PCDHA4: variants seen among roughly 807,000 people sequenced by gnomAD.
The protein encoded by PCDHA4 is protocadherin alpha 4.
PCDHA4 carries 49 observed loss-of-function variants against 61.4 expected under a neutral mutation model. The observed-to-expected ratio is 0.80, with a 90% CI of 0.63 to 1.01. The LOEUF is 1.01. Among genes scored for constraint, PCDHA4 ranks in the 50% least tolerant of loss-of-function variants. The pLI is 0.00. For missense variants in PCDHA4, 1,254 were observed against 1,235.8 expected (o/e 1.01, Z -0.22); for synonymous variants, 590 against 550.3 (o/e 1.07, Z -1.01).
chr5:140,843,876 C>A, intron 1 of PCDHA4: 1 of 763,300 alleles, frequency 1.3e-6, no homozygotes, highest in African/African-American at 1.8e-5. Flanking sequence ...TTCTCAGTGG[C>A]ATAATACAGT....
At chr5:140,964,417 C>T (rs1279243450) in intron 1 of PCDHA4, among the ~76,000 whole-genome samples, 15 of 152,088 alleles carry the variant, frequency 9.9e-5, no homozygotes, top group Admixed American at 9.8e-4. Context: ...TGGGGGCTTC[C>T]ATTAAAAAAT....
intron 1 of PCDHA4, chr5:140,851,237 G>C (rs782702575): frequency 3.6e-6 from 4 of 1,101,536 alleles, no homozygotes; most frequent in Non-Finnish European, 4.6e-6. Flanking sequence ...TTTATTTATT[G>C]CTAAATGATG....
intron 1 of PCDHA4, among the ~76,000 whole-genome samples, chr5:140,941,439 G>A (rs187782763): frequency 1.3e-5 from 2 of 149,420 alleles, no homozygotes; most frequent in East Asian, 2.0e-4. Context: ...CCTCAGCCTC[G>A]GGAGTAGCTG....
At chr5:140,915,626 GTCTCTCTCTCTCTC>G in intron 1 of PCDHA4, among the ~76,000 whole-genome samples, 1 of 146,536 alleles carries the variant, frequency 6.8e-6, no homozygotes, top group Non-Finnish European at 1.5e-5. Flanking sequence ...GTCTCTTTCT[GTCTCTCTCTCTCTC>G]TCTCTCTCTC....
At position 140,809,043 on chromosome 5, in the gene PCDHA4, G is replaced by T. The variant is rs1311161177; in HGVS notation, c.1856G>T (p.Arg619Leu). 3 of 1,613,738 alleles carry T rather than the reference G, an allele frequency of 1.9e-6. No homozygotes were observed. The highest frequency in any genetic ancestry group is 2.2e-5 in the East Asian group (1 of 44,886). The change falls in exon 1 of 4, where the codon CGC becomes CTC. Residue 619 changes from arginine (R) to leucine (L), a missense_variant. Transcript: ENST00000530339. ...YELQPGTGGA[R>L]IPFRVGLYTG... ...CTGCAGCCGGGGACTGGTGGCGCGC[G>T]CATCCCGTTCCGCGTGGGGCTGTAC... is the stretch of plus-strand genomic sequence containing the variant.
At chr5:141,007,395 CAA>C (rs35800918) in intron 3 of PCDHA4, among the ~76,000 whole-genome samples, 1,140 of 94,858 alleles carry the variant, frequency 0.012, 9 homozygotes, top group South Asian at 0.036. Context: ...TACTAAAATA[CAA>C]AAAAAAAAAA....
rs782558494 is a variant in PCDHA4 at position 140,808,176 on chromosome 5, T to C, written c.989T>C (p.Leu330Pro). 1.9e-6 allele frequency: 3 copies of C among 1,614,256 alleles called. No individual in the cohort carries two copies. The highest frequency in any genetic ancestry group is 2.5e-6 in the Non-Finnish European group (3 of 1,180,044). Reference sequence around the variant, plus strand: ...GGCATTGATAAGGGACAGCTCCCACTTTCTGGCCATTGTAGAGTTATTGTG... The same window carrying C: ...GGCATTGATAAGGGACAGCTCCCACCTTCTGGCCATTGTAGAGTTATTGTG... ...VEGIDKGQLP[L>P]SGHCRVIVEV... Residue 330 changes from leucine to proline, a missense_variant, in exon 1 of 4, where the codon CTT becomes CCT. Physicochemically the swap from Leu to Pro is moderately conservative, Grantham distance 98. Coordinates refer to ENST00000530339, the MANE Select transcript of PCDHA4 (RefSeq NM_018907.4).
chr5:140,863,564 A>G (rs1426185409), intron 1 of PCDHA4: 3 of 374,440 alleles, frequency 8.0e-6, no homozygotes, highest in Non-Finnish European at 1.6e-5. Context: ...ATTTTTGAGA[A>G]TATAAGTACT....
At chr5:140,921,958 A>G (rs155363) in intron 1 of PCDHA4, among the ~76,000 whole-genome samples, 87,659 of 151,706 alleles carry the variant, frequency 0.58, 26,267 homozygotes, top group African/African-American at 0.75. Flanking sequence ...AAATCCCAGA[A>G]AACCAAAGGA....
intron 1 of PCDHA4, among the ~76,000 whole-genome samples, chr5:140,964,342 C>T (rs2095825714): frequency 6.6e-6 from 1 of 152,184 alleles, no homozygotes; most frequent in Non-Finnish European, 1.5e-5. Context: ...TGGCAGGTGT[C>T]CTTGCTGGAA....
chr5:140,976,550 CATAA>C (rs782672542), intron 1 of PCDHA4, among the ~76,000 whole-genome samples: 4 of 151,944 alleles, frequency 2.6e-5, no homozygotes, highest in South Asian at 2.1e-4. Flanking sequence ...GACCCTATCT[CATAA>C]ATAAATAAAT....
intron 1 of PCDHA4, among the ~76,000 whole-genome samples, chr5:140,898,272 A>T (rs13177412): frequency 6.6e-6 from 1 of 152,110 alleles, no homozygotes; most frequent in Non-Finnish European, 1.5e-5. Flanking sequence ...CCCATGCCTA[A>T]GTTCTGAATG....
chr5:140,907,864 G>T (rs1033952784), intron 1 of PCDHA4, among the ~76,000 whole-genome samples: 1 of 152,202 alleles, frequency 6.6e-6, no homozygotes, highest in Non-Finnish European at 1.5e-5. Context: ...GAGGCCAGCC[G>T]TTGGTGAGCA....
intron 1 of PCDHA4, among the ~76,000 whole-genome samples, chr5:140,941,032 T>C (rs1321810263): frequency 6.6e-6 from 1 of 152,222 alleles, no homozygotes; most frequent in Non-Finnish European, 1.5e-5. Flanking sequence ...CTGGCCTTTT[T>C]GGTGCCAAGT....
In PCDHA4 at chr5:140,943,140, C is replaced by CCCAGCTA. The variant is rs377502817; in HGVS notation, c.2386-35807_2386-35801dup. 5.8e-3 allele frequency among the ~76,000 whole-genome samples: 878 copies of CCCAGCTA among 151,552 alleles called. 7 individuals are homozygous for CCCAGCTA. The highest frequency in any genetic ancestry group is 0.021 in the African/African-American group (851 of 41,302). On this transcript the variant is annotated intron_variant, in intron 1 of 3. Transcript: ENST00000530339. ...AGGTGTGGTAGTGGGTGCCTGTAGT[C>CCCAGCTA]CCAGCTACTCTGGAGGCTGAGGCAG...
chr5:140,818,634 C>A (rs1380205811), intron 1 of PCDHA4, among the ~76,000 whole-genome samples: 1 of 152,108 alleles, frequency 6.6e-6, no homozygotes, highest in Non-Finnish European at 1.5e-5. Context: ...CCCAGGAGTT[C>A]AAGATGAGCC....
At chr5:140,866,404 A>C (rs781790462) in intron 1 of PCDHA4, 1 of 152,130 alleles carries the variant, frequency 6.6e-6, no homozygotes, top group Non-Finnish European at 1.5e-5. Context: ...TTCCCATGAA[A>C]ATCTTCAAAT....
At chr5:140,937,329 G>T (rs1406340473) in intron 1 of PCDHA4, among the ~76,000 whole-genome samples, 1 of 152,050 alleles carries the variant, frequency 6.6e-6, no homozygotes, top group Admixed American at 6.5e-5. Flanking sequence ...GAGCCACCGC[G>T]CCCGGCTTCT....
intron 1 of PCDHA4, 139 bp from the exon 2 acceptor site, chr5:140,978,808 TAG>T: frequency 6.7e-7 from 1 of 1,496,146 alleles, no homozygotes; most frequent in Non-Finnish European, 8.9e-7. Flanking sequence ...GATATCATCA[TAG>T]AGTTACACAT....
Sources: gnomAD v4.1 joint callset for allele counts (sites outside exome capture counted in the v4.1 genomes callset) on GRCh38, gnomAD v4.1.1 for gene constraint, MANE v1.5 for transcripts, NCBI Gene and HGNC (gene_info 2026-07-23, HGNC 2026-07-21) for gene names.